The following ADGRF5 variants were observed in gnomAD, a reference collection of about 807,000 sequenced individuals.
ADGRF5 encodes G-protein coupled receptor 116.
Under a neutral mutation model 132.3 loss-of-function variants are expected in ADGRF5, and 75 were observed. The observed-to-expected ratio is 0.57, with a 90% CI of 0.47 to 0.69. ADGRF5 has a LOEUF of 0.69. ADGRF5 is among the 30% of genes least tolerant of loss of function. The probability of loss-of-function intolerance (pLI) is 0.00; values close to 1 mark genes in which losing one functional copy is unlikely to be tolerated. For missense variants in ADGRF5, 1,516 were observed against 1,630.6 expected (o/e 0.93, Z 1.21); for synonymous variants, 629 against 597.6 (o/e 1.05, Z -0.77).
At chr6:46,953,651 G>GTGTGTGTATA (rs1373212107) in intron 1 of ADGRF5, among the ~76,000 whole-genome samples, 1 of 42,196 alleles carries the variant, frequency 2.4e-5, no homozygotes, top group African/African-American at 7.0e-5. Context: ...AGATATATGT[G>GTGTGTGTATA]TATATATATA....
At chr6:46,936,542 T>C (rs1035302474) in intron 1 of ADGRF5, among the ~76,000 whole-genome samples, 4 of 152,182 alleles carry the variant, frequency 2.6e-5, no homozygotes, top group African/African-American at 9.7e-5. Context: ...ATCTCTCTCT[T>C]TCCAAATCAT....
At chr6:46,940,495 C>CA (rs966571308) in intron 1 of ADGRF5, among the ~76,000 whole-genome samples, 99 of 152,234 alleles carry the variant, frequency 6.5e-4, no homozygotes, top group African/African-American at 2.2e-3. Flanking sequence ...TAACAGCCCT[C>CA]AGGATATATT....
At chr6:46,947,819 G>A (rs1215060756) in intron 1 of ADGRF5, among the ~76,000 whole-genome samples, 1 of 152,162 alleles carries the variant, frequency 6.6e-6, no homozygotes, top group East Asian at 1.9e-4. Context: ...CTGAATCTGC[G>A]GACCTTGGAG....
intron 3 of ADGRF5, among the ~76,000 whole-genome samples, chr6:46,892,708 C>T (rs1408742888): frequency 1.3e-5 from 2 of 152,108 alleles, no homozygotes; most frequent in Non-Finnish European, 1.5e-5. Flanking sequence ...CGAGATTGCG[C>T]CACTGCACTC....
intron 10 of ADGRF5, 43 bp from the exon 11 acceptor site, chr6:46,872,056 CT>C: frequency 7.0e-7 from 1 of 1,427,772 alleles, no homozygotes; most frequent in Non-Finnish European, 9.6e-7. Flanking sequence ...CTGGCTAACT[CT>C]TTTATTTAGT....
chr6:46,893,871 C>A (rs1773909608), intron 3 of ADGRF5, among the ~76,000 whole-genome samples: 1 of 152,190 alleles, frequency 6.6e-6, no homozygotes, highest in South Asian at 2.1e-4. Context: ...TAAATCACTG[C>A]CAGCCACACA....
intron 1 of ADGRF5, 69 bp downstream of exon 1, chr6:46,921,644 A>T (rs1776959879): frequency 6.6e-6 from 1 of 152,270 alleles, no homozygotes; most frequent in African/African-American, 2.4e-5. Context: ...GAAGTGACTT[A>T]GGAGCCCCTG....
chr6:46,934,108 C>T (rs1777698052), intron 1 of ADGRF5, among the ~76,000 whole-genome samples: 1 of 152,136 alleles, frequency 6.6e-6, no homozygotes. Context: ...TCATTTGAAC[C>T]TTCTGGGCTC....
chr6:46,863,950 C>T (rs1770079092), intron 14 of ADGRF5, among the ~76,000 whole-genome samples: 1 of 152,220 alleles, frequency 6.6e-6, no homozygotes, highest in South Asian at 2.1e-4. Context: ...GTGAAAGTGA[C>T]TCTAAATTGT....
chr6:46,915,663 G>A (rs1435240699), intron 1 of ADGRF5, among the ~76,000 whole-genome samples: 1 of 151,590 alleles, frequency 6.6e-6, no homozygotes, highest in Non-Finnish European at 1.5e-5. Flanking sequence ...CCTTCTTCAG[G>A]GATTTTGTTA....
intron 1 of ADGRF5, among the ~76,000 whole-genome samples, chr6:46,929,599 G>T (rs549674468): frequency 6.6e-6 from 1 of 151,386 alleles, no homozygotes; most frequent in African/African-American, 2.4e-5. Context: ...CACAGGTACA[G>T]GTGGGGTAGT....
At position 46,934,275 on chromosome 6, in the gene ADGRF5, A is replaced by G. The variant is rs1015992114; in HGVS notation, c.-25+20459T>C. ...CACACTTCTATACATAAAATTAGAGAGCAGCCAGCACACATAATTCTGGAC... is the reference window on the plus strand; with the variant it reads ...CACACTTCTATACATAAAATTAGAGGGCAGCCAGCACACATAATTCTGGAC... On this transcript the variant is annotated intron_variant, in intron 1 of 20. Coordinates refer to the ADGRF5 transcript ENST00000265417. 2.6e-5 allele frequency among the ~76,000 whole-genome samples: 4 copies of G among 152,186 alleles called. No homozygotes were observed. The East Asian group carries it at 7.7e-4, about 29-fold the overall frequency.
intron 1 of ADGRF5, among the ~76,000 whole-genome samples, chr6:46,954,018 T>C (rs1175794515): frequency 6.6e-6 from 1 of 151,814 alleles, no homozygotes; most frequent in African/African-American, 2.4e-5. Flanking sequence ...CCTCTCTGAG[T>C]CTCAGTGACC....
Position 46,859,159 on chromosome 6 carries a change from T to C in ADGRF5, c.2744A>G (p.Glu915Gly). The stretch of plus-strand genomic sequence containing the variant: ...CACTAAGCTCTCTGCAAAGTTATTT[T>C]CCTGGATATCCTGGGCAAGGATGGC... Reference protein sequence around the residue: ...LQAILAQDIQENNFAESLVMT... With the variant: ...LQAILAQDIQGNNFAESLVMT... Residue 915 changes from glutamate to glycine, a missense_variant, in exon 17 of 21, where the codon GAA (glutamate) becomes GGA (glycine). Transcript: ENST00000283296. The C allele has an allele frequency of 6.2e-7, 1 of 1,614,102 alleles. No individual in the cohort carries two copies. Among genetic ancestry groups the C allele is most frequent in the Non-Finnish European group, 8.5e-7 (1 of 1,179,932 alleles).
At chr6:46,948,475 A>AGTGTGTGTGT (rs3030417) in intron 1 of ADGRF5, among the ~76,000 whole-genome samples, 14 of 143,380 alleles carry the variant, frequency 9.8e-5, no homozygotes, top group South Asian at 2.3e-4. Context: ...TGCTCTAGTG[A>AGTGTGTGTGT]GTGTGTGTGT....
At chr6:46,910,988 G>C (rs1043299883) in intron 1 of ADGRF5, among the ~76,000 whole-genome samples, 1 of 152,098 alleles carries the variant, frequency 6.6e-6, no homozygotes, top group Non-Finnish European at 1.5e-5. Flanking sequence ...GCTCACTCTG[G>C]TTAACTTCTG....
At position 46,858,671 on chromosome 6, in the gene ADGRF5, G is replaced by C; in HGVS notation, c.3232C>G (p.Arg1078Gly). Reference sequence around the variant, plus strand: ...CAGGCTGTCTTGCAGAGTATGTAGCGATTGTCCTGGATGGCAGCGACCACA... The same window carrying C: ...CAGGCTGTCTTGCAGAGTATGTAGCCATTGTCCTGGATGGCAGCGACCACA... ...FIVVAAIQDN[R>G]YILCKTACVA... The change falls in exon 17 of 21, where the codon CGC becomes GGC. Residue 1078 changes from arginine (R) to glycine (G), a missense_variant. Around this residue, in one of 2 missense-constraint regions of ADGRF5, gnomAD observed 571 missense variants for 701.2 expected, o/e 0.81. Transcript: ENST00000283296. The C allele has an allele frequency of 6.2e-7, 1 of 1,614,156 alleles. No homozygotes were observed. Among genetic ancestry groups the C allele is most frequent in the Non-Finnish European group, 8.5e-7 (1 of 1,180,022 alleles).
At chr6:46,874,161 A>C (rs757578113) in intron 10 of ADGRF5, among the ~76,000 whole-genome samples, 41 of 152,196 alleles carry the variant, frequency 2.7e-4, no homozygotes, top group Non-Finnish European at 5.9e-4. Context: ...TACAGAATAC[A>C]GTAAAATCCC....
chr6:46,861,054 A>G (rs975059828), intron 15 of ADGRF5, among the ~76,000 whole-genome samples, 160 bp from the exon 16 acceptor site: 4 of 152,112 alleles, frequency 2.6e-5, no homozygotes, highest in Non-Finnish European at 4.4e-5. Flanking sequence ...TCCCTTAAGC[A>G]CTCCATGCAT....
Sources: allele counts gnomAD v4.1 joint callset (sites outside exome capture counted in the v4.1 genomes callset), GRCh38; gene constraint gnomAD v4.1.1; regional missense constraint gnomAD v4.1.1; transcripts MANE v1.5; gene names NCBI Gene and HGNC (gene_info 2026-07-23, HGNC 2026-07-21).